REXO4: variants seen among roughly 807,000 people sequenced by gnomAD.
REXO4 encodes REX4 homolog, 3'-5' exonuclease.
In REXO4, 29 loss-of-function variants were observed where a neutral mutation model predicts 39.9. The observed-to-expected ratio is 0.73, with a 90% CI of 0.54 to 0.99. The LOEUF is 0.99. Ranked by LOEUF, REXO4 falls within the 50% of genes least tolerant of loss-of-function variation. The pLI is 0.00. For synonymous variants in REXO4, 184 were observed against 206.2 expected (o/e 0.89, Z 0.92); for missense variants, 524 against 546.5 (o/e 0.96, Z 0.41).
intron 1 of REXO4, chr9:133,415,616 G>C (rs587670767): frequency 6.5e-6 from 1 of 152,748 alleles, no homozygotes; most frequent in Non-Finnish European, 1.5e-5. Context: ...ATCCCCAGTG[G>C]GAGTGGGCGC....
chr9:133,414,846 A>G lies in REXO4; in HGVS notation c.391T>C (p.Ser131Pro), dbSNP rs1554781207. The part of the protein sequence containing the change: ...AGKDQEASRG[S>P]VPSGSKMDRR... ...TCCATCTTGGAACCTGAAGGAACAGAGCCCCTGCTGGCCTCCTGGTCTTTT... is the reference window on the plus strand; with the variant it reads ...TCCATCTTGGAACCTGAAGGAACAGGGCCCCTGCTGGCCTCCTGGTCTTTT... Residue 131 changes from serine (S) to proline (P), a missense_variant, in exon 2 of 8, where the codon TCT (serine) becomes CCT (proline). Transcript: ENST00000371942. 1 of 1,614,108 alleles carries G rather than the reference A, an allele frequency of 6.2e-7. No homozygotes were observed.
At chr9:133,415,133 A>G in intron 1 of REXO4, 122 bp from the exon 2 acceptor site, 1 of 729,924 alleles carries the variant, frequency 1.4e-6, no homozygotes, top group South Asian at 2.1e-5. Flanking sequence ...TACAATTCCC[A>G]TCCGCATCAC....
At chr9:133,412,733 C>A in intron 3 of REXO4, 45 bp downstream of exon 3, 1 of 1,599,600 alleles carries the variant, frequency 6.3e-7, no homozygotes, top group Non-Finnish European at 8.5e-7. Flanking sequence ...CCGCCCTCCA[C>A]GGCTAAGCAT....
rs972679727 is a variant in REXO4 at position 133,406,732 on chromosome 9, C to T, written c.*221G>A. The T allele has an allele frequency of 1.1e-5, 7 of 655,920 alleles. No homozygotes were observed. Among genetic ancestry groups the T allele is most frequent in the African/African-American group, 5.5e-5 (3 of 54,624 alleles). 40.6% of individuals were successfully genotyped at this position (655,920 alleles called of 1,614,324 possible). Reference sequence around the variant, plus strand: ...TGCCCATGGCCGTCCCTGCTCCCCACCCTGACCATCCGGGCCCAAACACAC... The same window carrying T: ...TGCCCATGGCCGTCCCTGCTCCCCATCCTGACCATCCGGGCCCAAACACAC... On this transcript the variant is annotated 3_prime_UTR_variant, in exon 8 of 8. Coordinates refer to ENST00000371942, the MANE Select transcript of REXO4 (RefSeq NM_020385.4).
intron 4 of REXO4, among the ~76,000 whole-genome samples, chr9:133,411,559 C>T (rs774345446): frequency 1.3e-5 from 2 of 152,256 alleles, no homozygotes; most frequent in Non-Finnish European, 1.5e-5. Flanking sequence ...ACCAACCCCA[C>T]TTGTACCCCC....
chr9:133,411,774 A>T (rs1490531259), intron 4 of REXO4, among the ~76,000 whole-genome samples: 1 of 151,830 alleles, frequency 6.6e-6, no homozygotes, highest in Admixed American at 6.6e-5. Context: ...TTAAAATACA[A>T]AATTAGTCGG....
At position 133,406,805 on chromosome 9, in the gene REXO4, G is replaced by A. The variant is rs377581539; in HGVS notation, c.*148C>T. On this transcript the variant is annotated 3_prime_UTR_variant, in exon 8 of 8. Transcript: ENST00000371942. ...AGACCACAAAGTCAAGAGGAAGGAG[G>A]ACCTTCTCAGTAGCACCACGCCACG... The A allele has an allele frequency of 4.3e-6, 5 of 1,152,288 alleles. No homozygotes were observed. The highest frequency in any genetic ancestry group is 3.0e-5 in the African/African-American group (2 of 65,698). The allele number at this position is 1,152,288 out of a possible 1,614,324, so 71.4% of individuals were successfully genotyped here.
intron 1 of REXO4, among the ~76,000 whole-genome samples, 154 bp from the exon 2 acceptor site, chr9:133,415,165 T>C (rs1554781292): frequency 6.6e-6 from 1 of 152,186 alleles, no homozygotes; most frequent in East Asian, 1.9e-4. Flanking sequence ...TTCAAACGGT[T>C]TGGAAAAAGC....
intron 6 of REXO4, among the ~76,000 whole-genome samples, chr9:133,408,562 G>A (rs996557800): frequency 6.6e-6 from 1 of 152,142 alleles, no homozygotes; most frequent in African/African-American, 2.4e-5. Context: ...TCAGAGGTTA[G>A]AGTGGAAATA....
chr9:133,413,014 G>A (rs995174805), intron 2 of REXO4, 93 bp from the exon 3 acceptor site: 28 of 1,369,552 alleles, frequency 2.0e-5, no homozygotes, highest in Non-Finnish European at 2.7e-5. Context: ...TGAGTGGAGC[G>A]ATGGCACAGC....
At chr9:133,408,581 T>C (rs181749006) in intron 6 of REXO4, among the ~76,000 whole-genome samples, 187 bp downstream of exon 6, 136 of 152,254 alleles carry the variant, frequency 8.9e-4, no homozygotes, top group Middle Eastern at 6.8e-3. Context: ...TAACTTGCCC[T>C]CCGTTGCAAT....
intron 2 of REXO4, chr9:133,414,219 GCCA>G (rs1377834669): frequency 5.6e-6 from 2 of 355,412 alleles, no homozygotes; most frequent in Middle Eastern, 1.0e-3. Flanking sequence ...ACAGGCAACA[GCCA>G]CCACACCTGG....
rs1554778863 is a variant in REXO4 at position 133,406,721 on chromosome 9, C to G, written c.*232G>C. Reference sequence around the variant, plus strand: ...GTGGCCAGGCGTGCCCATGGCCGTCCCTGCTCCCCACCCTGACCATCCGGG... The same window carrying G: ...GTGGCCAGGCGTGCCCATGGCCGTCGCTGCTCCCCACCCTGACCATCCGGG... On this transcript the variant is annotated 3_prime_UTR_variant, in exon 8 of 8. Transcript: ENST00000371942. 1 of 610,328 alleles carries G rather than the reference C, an allele frequency of 1.6e-6. No homozygotes were observed. The highest frequency in any genetic ancestry group is 2.8e-6 in the Non-Finnish European group (1 of 359,776). The allele number at this position is 610,328 out of a possible 1,614,324, so 37.8% of individuals were successfully genotyped here.
rs1839782530 is a variant in REXO4, at chr9:133,417,991, A to C, written c.-147T>G. On this transcript the variant is annotated 5_prime_UTR_variant, in exon 1 of 8. Coordinates refer to ENST00000371942, the MANE Select transcript of REXO4 (RefSeq NM_020385.4). ...CGTCCAGGAAAAGACTCCGGAAGAG[A>C]CCCCGCACGCGTTGCGCATACCTCA... The C allele has an allele frequency of 2.8e-6, 2 of 707,182 alleles. No individual in the cohort carries two copies. Among genetic ancestry groups the C allele is most frequent in the Admixed American group, 2.9e-5 (1 of 33,926 alleles). The allele number at this position is 707,182 out of a possible 1,614,324, so 43.8% of individuals were successfully genotyped here.
chr9:133,417,967 G>T lies in REXO4; in HGVS notation c.-123C>A. On this transcript the variant is annotated 5_prime_UTR_variant, in exon 1 of 8. Transcript: ENST00000371942. ...GAAACACACCCACCGCAGGGACCCC[G>T]TCCAGGAAAAGACTCCGGAAGAGAC... is the stretch of plus-strand genomic sequence containing the variant. 2.2e-6 allele frequency: 2 copies of T among 916,282 alleles called. No individual in the cohort carries two copies. The highest frequency in any genetic ancestry group is 1.6e-6 in the Non-Finnish European group (1 of 621,772). 56.8% of individuals were successfully genotyped at this position (916,282 alleles called of 1,614,324 possible). A position where few individuals can be genotyped will look rare whatever the true frequency, so the allele number is the denominator to read the frequency against.
At chr9:133,412,572 A>T (rs929777231) in intron 3 of REXO4, 80 bp from the exon 4 acceptor site, 17 of 1,513,242 alleles carry the variant, frequency 1.1e-5, no homozygotes, top group South Asian at 4.6e-5. Flanking sequence ...GGATCCATGG[A>T]CTAAGTGTCA....
chr9:133,407,889 G>T lies in REXO4; in HGVS notation c.1075-8C>A. The T allele has an allele frequency of 7.4e-6, 12 of 1,612,192 alleles. No homozygotes were observed. The highest frequency in any genetic ancestry group is 1.0e-5 in the Non-Finnish European group (12 of 1,178,858). ...CAGAGACGGCCTTCCACTCTGCAAA[G>T]GGGGAAGAGGCGGGTGGGGGCCTCT... On this transcript the variant is annotated splice_polypyrimidine_tract_variant and splice_region_variant and intron_variant, in intron 6 of 7. Transcript: ENST00000371942.
At chr9:133,410,170 C>T (rs1564392530) in intron 5 of REXO4, among the ~76,000 whole-genome samples, 1 of 152,212 alleles carries the variant, frequency 6.6e-6, no homozygotes, top group South Asian at 2.1e-4. Flanking sequence ...TCCTTCTGAA[C>T]GGCTTCAAGT....
intron 2 of REXO4, among the ~76,000 whole-genome samples, chr9:133,413,638 G>A (rs1839369252): frequency 6.6e-6 from 1 of 152,196 alleles, no homozygotes; most frequent in African/African-American, 2.4e-5. Context: ...AGCTCACACA[G>A]GCACGTAACA....
Sources: allele counts gnomAD v4.1 joint callset (sites outside exome capture counted in the v4.1 genomes callset), GRCh38; gene constraint gnomAD v4.1.1; transcripts MANE v1.5; gene names NCBI Gene and HGNC (gene_info 2026-07-23, HGNC 2026-07-21).